The following SH3RF2 variants were observed in gnomAD, a reference collection of about 807,000 sequenced individuals.
The protein encoded by SH3RF2 is SH3 domain containing ring finger 2.
SH3RF2 carries 43 observed loss-of-function variants against 59.0 expected under a neutral mutation model. The ratio of observed to expected loss-of-function variants is 0.73; its 90% CI spans 0.57 to 0.94. The LOEUF (loss-of-function observed/expected upper bound fraction) is 0.94. Among genes scored for constraint, SH3RF2 ranks in the 40% least tolerant of loss-of-function variants. The pLI is 0.00. For missense variants in SH3RF2, 930 were observed against 940.1 expected (o/e 0.99, Z 0.14); for synonymous variants, 391 against 391.5 (o/e 1.00, Z 0.01).
chr5:145,984,470 G>A (rs1759625893), intron 2 of SH3RF2, among the ~76,000 whole-genome samples: 1 of 152,216 alleles, frequency 6.6e-6, no homozygotes, highest in African/African-American at 2.4e-5. Flanking sequence ...AAACCTTATG[G>A]AAAAGAGAAC....
chr5:145,970,845 G>A (rs757547774), intron 2 of SH3RF2, among the ~76,000 whole-genome samples: 4 of 152,118 alleles, frequency 2.6e-5, no homozygotes, highest in African/African-American at 4.8e-5. Flanking sequence ...GTGTATATCA[G>A]AAGAGGTTCT....
At chr5:146,046,680 A>T (rs1028743100) in intron 5 of SH3RF2, among the ~76,000 whole-genome samples, 1 of 152,130 alleles carries the variant, frequency 6.6e-6, no homozygotes, top group Admixed American at 6.5e-5. Flanking sequence ...GCAAGGAAAC[A>T]CTCATAATCT....
chr5:146,002,616 T>G (rs552424802), intron 3 of SH3RF2, among the ~76,000 whole-genome samples: 1 of 152,198 alleles, frequency 6.6e-6, no homozygotes, highest in African/African-American at 2.4e-5. Flanking sequence ...TACCAGTCCG[T>G]GGCCTGTGAG....
At chr5:145,997,916 C>T (rs17492228) in intron 2 of SH3RF2, 506,312 of 839,586 alleles carry the variant, frequency 0.6, 156,019 homozygotes, top group Middle Eastern at 0.8. Context: ...AATCAGAATC[C>T]ACCTCAGGTG....
intron 9 of SH3RF2, among the ~76,000 whole-genome samples, chr5:146,060,752 G>A (rs1415091394): frequency 6.6e-6 from 1 of 152,224 alleles, no homozygotes. Context: ...GATAATGTAA[G>A]TGACATCGAG....
At chr5:146,043,282 G>C (rs559445671) in intron 5 of SH3RF2, among the ~76,000 whole-genome samples, 2 of 152,022 alleles carry the variant, frequency 1.3e-5, no homozygotes, top group South Asian at 4.2e-4. Flanking sequence ...TGATCCATAG[G>C]TTCCCATTCT....
At position 146,049,184 on chromosome 5, in the gene SH3RF2, G is replaced by T; in HGVS notation, c.1261G>T (p.Val421Phe). Residue 421 changes from valine to phenylalanine, a missense_variant, in exon 7 of 10, where the codon GTC becomes TTC. Transcript: ENST00000359120. ...GKCQDGWLRG[V>F]SLVTGRVGIF... ...GTGCCAGGACGGCTGGCTCAGGGGC[G>T]TCTCCTTGGTCACCGGGCGAGTCGG... is the stretch of plus-strand genomic sequence containing the variant. The T allele has an allele frequency of 6.2e-7, 1 of 1,614,008 alleles. No individual in the cohort carries two copies. Among genetic ancestry groups the T allele is most frequent in the Non-Finnish European group, 8.5e-7 (1 of 1,179,970 alleles).
At chr5:145,938,451 T>C in intron 2 of SH3RF2, 145 bp downstream of exon 2, 2 of 997,226 alleles carry the variant, frequency 2.0e-6, no homozygotes, top group South Asian at 2.3e-5. Context: ...GCAGTGATCA[T>C]TTTACTCAAA....
chr5:145,960,003 T>G (rs1423906882), intron 2 of SH3RF2, among the ~76,000 whole-genome samples: 3 of 152,204 alleles, frequency 2.0e-5, no homozygotes, highest in African/African-American at 7.2e-5. Flanking sequence ...AAAGCCGGCA[T>G]TTTCAACTAT....
intron 2 of SH3RF2, among the ~76,000 whole-genome samples, chr5:145,974,893 C>T (rs1759227955): frequency 6.6e-6 from 1 of 152,174 alleles, no homozygotes; most frequent in Non-Finnish European, 1.5e-5. Flanking sequence ...ATCTGTAGGT[C>T]TACAATATAT....
chr5:145,968,421 A>G (rs1758947840), intron 2 of SH3RF2, among the ~76,000 whole-genome samples: 1 of 152,212 alleles, frequency 6.6e-6, no homozygotes, highest in Non-Finnish European at 1.5e-5. Context: ...AAGTACAGCT[A>G]AGTGAGGAAA....
At chr5:145,948,945 A>C (rs1011633378) in intron 2 of SH3RF2, among the ~76,000 whole-genome samples, 45 of 152,262 alleles carry the variant, frequency 3.0e-4, no homozygotes, top group Non-Finnish European at 1.2e-4. Context: ...TGCAATCAGC[A>C]TTCATTAAAT....
At chr5:145,938,330 TATC>T in intron 2 of SH3RF2, 24 bp downstream of exon 2, 1 of 1,508,814 alleles carries the variant, frequency 6.6e-7, no homozygotes, top group South Asian at 1.3e-5. Context: ...TATTTGCTAA[TATC>T]ATGTCCACAT....
At chr5:145,994,684 GC>G (rs767681978) in intron 2 of SH3RF2, among the ~76,000 whole-genome samples, 1 of 152,138 alleles carries the variant, frequency 6.6e-6, no homozygotes, top group Non-Finnish European at 1.5e-5. Context: ...CTCCCACCAG[GC>G]CCTTCCCAAA....
intron 5 of SH3RF2, among the ~76,000 whole-genome samples, chr5:146,047,370 G>A (rs962694106): frequency 1.3e-5 from 2 of 152,014 alleles, no homozygotes; most frequent in Non-Finnish European, 2.9e-5. Flanking sequence ...ACTTAAAACT[G>A]CCTAGTAATT....
Position 146,024,771 on chromosome 5 carries a change from A to T in SH3RF2, c.1059+10710A>T, listed in dbSNP as rs150507250. 2.0e-3 allele frequency among the ~76,000 whole-genome samples: 308 copies of T among 152,338 alleles called. 2 individuals carry two copies. Among genetic ancestry groups the T allele is most frequent in the Middle Eastern group, 3.4e-3 (1 of 294 alleles). On this transcript the variant is annotated intron_variant, in intron 5 of 9. Transcript: ENST00000359120. ...TCCAGATGCATTCTTCTACCTGTAG[A>T]TATGAAGTTGTTCCAGCATCATTTA...
intron 9 of SH3RF2, 111 bp from the exon 10 acceptor site, chr5:146,062,315 C>T (rs545310267): frequency 2.2e-6 from 3 of 1,358,190 alleles, no homozygotes; most frequent in Non-Finnish European, 3.1e-6. Context: ...ATGGTAGCCA[C>T]AGATATTTGC....
intron 5 of SH3RF2, among the ~76,000 whole-genome samples, chr5:146,033,983 G>A (rs1761836942): frequency 6.6e-6 from 1 of 152,234 alleles, no homozygotes; most frequent in South Asian, 2.1e-4. Flanking sequence ...TGTAGACACT[G>A]ATCTTCCTAA....
chr5:145,987,244 C>G (rs1194443433), intron 2 of SH3RF2, among the ~76,000 whole-genome samples: 1 of 152,186 alleles, frequency 6.6e-6, no homozygotes, highest in Non-Finnish European at 1.5e-5. Flanking sequence ...TGTTTGGTTA[C>G]ATGCGTAAGT....
Sources: allele counts gnomAD v4.1 joint callset (sites outside exome capture counted in the v4.1 genomes callset), GRCh38; gene constraint gnomAD v4.1.1; transcripts MANE v1.5; gene names NCBI Gene and HGNC (gene_info 2026-07-23, HGNC 2026-07-21).